Variants in CACNA1E observed in about 807,000 individuals in gnomAD.
CACNA1E encodes the protein voltage-dependent R-type calcium channel subunit alpha-1E.
CACNA1E carries 40 observed loss-of-function variants against 259.2 expected under a neutral mutation model. That is an observed-to-expected ratio of 0.15 (90% CI 0.12 to 0.20). The LOEUF (loss-of-function observed/expected upper bound fraction) is 0.20. Among genes scored for constraint, CACNA1E ranks in the 10% least tolerant of loss-of-function variants. CACNA1E has a pLI of 1.00. For missense variants in CACNA1E, 1,874 were observed against 3,040.1 expected, an observed-to-expected ratio of 0.62 and a Z score of 9.02; for synonymous variants, 1,104 against 1,138.5, an observed-to-expected ratio of 0.97 and a Z score of 0.61.
intron 1 of CACNA1E, among the ~76,000 whole-genome samples, chr1:181,345,593 T>C (rs1453399326): frequency 6.6e-6 from 1 of 152,136 alleles, no homozygotes; most frequent in Non-Finnish European, 1.5e-5. Context: ...GTCAGTCTAC[T>C]GGCGGAGAGG....
chr1:181,616,100 G>A (rs1655180971), intron 6 of CACNA1E, among the ~76,000 whole-genome samples: 2 of 152,060 alleles, frequency 1.3e-5, no homozygotes, highest in Non-Finnish European at 2.9e-5. Context: ...ATATCATTGG[G>A]TTTGATTTTT....
intron 6 of CACNA1E, among the ~76,000 whole-genome samples, chr1:181,597,792 C>A (rs771514501): frequency 1.3e-5 from 2 of 152,188 alleles, no homozygotes; most frequent in African/African-American, 2.4e-5. Context: ...ATGCAGATGG[C>A]AGCAGGCAAA....
intron 1 of CACNA1E, among the ~76,000 whole-genome samples, chr1:181,347,026 C>A (rs950184813): frequency 6.6e-6 from 1 of 152,156 alleles, no homozygotes; most frequent in Non-Finnish European, 1.5e-5. Flanking sequence ...GGGCTAATCA[C>A]GGAGGACCAT....
At chr1:181,326,368 G>T (rs1445144824) in intron 1 of CACNA1E, among the ~76,000 whole-genome samples, 1 of 152,154 alleles carries the variant, frequency 6.6e-6, no homozygotes, top group Non-Finnish European at 1.5e-5. Context: ...TAACATCTTG[G>T]TGCTCTTAGT....
At chr1:181,360,356 T>C (rs1282566282) in intron 1 of CACNA1E, among the ~76,000 whole-genome samples, 1 of 152,174 alleles carries the variant, frequency 6.6e-6, no homozygotes, top group African/African-American at 2.4e-5. Context: ...ACAATGCCCA[T>C]TAGCTGATGA....
intron 1 of CACNA1E, among the ~76,000 whole-genome samples, chr1:181,502,768 G>A (rs1446380471): frequency 2.6e-5 from 4 of 151,848 alleles, no homozygotes; most frequent in African/African-American, 7.3e-5. Context: ...GTATGATCTC[G>A]GCTCACCACA....
At chr1:181,733,077 G>T (rs2102554308) in intron 20 of CACNA1E, 43 bp downstream of exon 20, 1 of 1,509,358 alleles carries the variant, frequency 6.6e-7, no homozygotes, top group East Asian at 2.3e-5. Flanking sequence ...CACACAGGCT[G>T]CTGTTAGGTG....
At chr1:181,600,025 A>C (rs1351499988) in intron 6 of CACNA1E, among the ~76,000 whole-genome samples, 2 of 152,260 alleles carry the variant, frequency 1.3e-5, no homozygotes, top group Non-Finnish European at 2.9e-5. Flanking sequence ...ATATGAAGAC[A>C]AAGCAAAGGA....
intron 3 of CACNA1E, among the ~76,000 whole-genome samples, chr1:181,519,392 T>C (rs921553231): frequency 6.6e-6 from 1 of 151,972 alleles, no homozygotes; most frequent in Non-Finnish European, 1.5e-5. Flanking sequence ...AAATAGCAGA[T>C]ATAATGAGTG....
In CACNA1E at chr1:181,732,667, G is replaced by A. The variant is rs754434103; in HGVS notation, c.2581G>A (p.Gly861Arg). The change falls in exon 20 of 48, where the codon GGG becomes AGG. Residue 861 changes from glycine (G) to arginine (R), a missense_variant. By Grantham distance (125) the Gly-to-Arg change is moderately radical (BLOSUM62 -2). This residue lies in a region of CACNA1E where 476 missense variants were observed against 514.0 expected (regional missense o/e 0.93). Transcript: ENST00000367573. This position sits in a 1 kb window ranked among gnomAD's most constrained non-coding sequence, Gnocchi z 5.5. Reference sequence around the variant, plus strand: ...TGGGGGGTCCCTCAAGGGGGATGGAGGGGACCGATCCAGTGCCCTGGACAA... The same window carrying A: ...TGGGGGGTCCCTCAAGGGGGATGGAAGGGACCGATCCAGTGCCCTGGACAA... ...SRGGSLKGDG[G>R]DRSSALDNQR... The A allele has an allele frequency of 3.9e-6, 6 of 1,521,908 alleles. No homozygotes were observed. Among genetic ancestry groups the A allele is most frequent in the Non-Finnish European group, 5.3e-6 (6 of 1,137,154 alleles). 94.3% of individuals were successfully genotyped at this position (1,521,908 alleles called of 1,614,324 possible). A position where few individuals can be genotyped will look rare whatever the true frequency, so the allele number is the denominator to read the frequency against.
intron 1 of CACNA1E, among the ~76,000 whole-genome samples, chr1:181,369,879 G>A (rs1199727523): frequency 6.6e-6 from 1 of 152,080 alleles, no homozygotes; most frequent in Non-Finnish European, 1.5e-5. Flanking sequence ...GGGGGTTTGA[G>A]GTACAGATTA....
At chr1:181,700,838 G>C (rs552201143) in intron 7 of CACNA1E, among the ~76,000 whole-genome samples, 7 of 152,176 alleles carry the variant, frequency 4.6e-5, no homozygotes, top group Admixed American at 4.6e-4. Context: ...CGTTTGGTGC[G>C]TTAGCCCACG....
In CACNA1E at chr1:181,799,088, G is replaced by A. The variant is rs1329542545; in HGVS notation, c.*254G>A. 2.6e-6 allele frequency: 1 copy of A among 379,952 alleles called. No individual in the cohort carries two copies. Among genetic ancestry groups the A allele is most frequent in the Non-Finnish European group, 4.7e-6 (1 of 213,122 alleles). The allele number at this position is 379,952 out of a possible 1,614,324, so 23.5% of individuals were successfully genotyped here. ...TGGGGAAAGAAACCAGGAACGTGGAGGGTTATTACTGCGGGAGAAGGGACA... is the reference window on the plus strand; with the variant it reads ...TGGGGAAAGAAACCAGGAACGTGGAAGGTTATTACTGCGGGAGAAGGGACA... On this transcript the variant is annotated 3_prime_UTR_variant, in exon 48 of 48. Coordinates refer to ENST00000367573, the MANE Select transcript of CACNA1E (RefSeq NM_001205293.3).
intron 7 of CACNA1E, 114 bp from the exon 8 acceptor site, chr1:181,710,840 C>T (rs1261785905): frequency 9.5e-6 from 7 of 735,792 alleles, no homozygotes; most frequent in African/African-American, 3.4e-5. Context: ...GGAAAGGGTA[C>T]ATGGGCTTAA....
chr1:181,368,724 T>G (rs1232449872), intron 1 of CACNA1E, among the ~76,000 whole-genome samples: 1 of 152,226 alleles, frequency 6.6e-6, no homozygotes, highest in Non-Finnish European at 1.5e-5. Context: ...GAAAAAGTTG[T>G]ATAAACAAAG....
chr1:181,362,952 C>T (rs890508985), intron 1 of CACNA1E, among the ~76,000 whole-genome samples: 2 of 152,216 alleles, frequency 1.3e-5, no homozygotes, highest in Admixed American at 6.5e-5. Flanking sequence ...AGACAAGAGG[C>T]GTGGAGAGAG....
intron 7 of CACNA1E, among the ~76,000 whole-genome samples, chr1:181,672,056 A>C (rs1473039060): frequency 6.6e-6 from 1 of 152,224 alleles, no homozygotes; most frequent in Non-Finnish European, 1.5e-5. Context: ...ATGCAGCCAT[A>C]AAAAAGAACA....
chr1:181,320,232 A>G (rs924635429), intron 1 of CACNA1E, among the ~76,000 whole-genome samples: 1 of 152,120 alleles, frequency 6.6e-6, no homozygotes, highest in African/African-American at 2.4e-5. Flanking sequence ...AAGGAAGAGG[A>G]AAAAAAATCC....
chr1:181,540,582 T>C (rs6697584), intron 3 of CACNA1E, among the ~76,000 whole-genome samples: 35,709 of 152,014 alleles, frequency 0.23, 4,684 homozygotes, highest in African/African-American at 0.34. Flanking sequence ...GACTCTCTGG[T>C]CTTCCCCTGA....
Sources: allele counts gnomAD v4.1 joint callset (sites outside exome capture counted in the v4.1 genomes callset), GRCh38; gene constraint gnomAD v4.1.1; regional missense constraint gnomAD v4.1.1; non-coding constraint Gnocchi (gnomAD v3.1); transcripts MANE v1.5; gene names NCBI Gene and HGNC (gene_info 2026-07-23, HGNC 2026-07-21).